The following ZFHX4 variants were observed in gnomAD, a reference collection of about 807,000 sequenced individuals.
ZFHX4 encodes zinc finger homeobox protein 4.
Under a neutral mutation model 267.6 loss-of-function variants are expected in ZFHX4, and 56 were observed. The observed-to-expected ratio is 0.21, with a 90% CI of 0.17 to 0.26. ZFHX4 has a LOEUF of 0.26. Ranked by LOEUF, ZFHX4 falls within the 10% of genes least tolerant of loss-of-function variation. The probability of loss-of-function intolerance (pLI) is 1.00; values close to 1 mark genes in which losing one functional copy is unlikely to be tolerated. For missense variants in ZFHX4, 4,332 were observed against 4,420.0 expected (o/e 0.98, Z 0.56); for synonymous variants, 1,778 against 1,665.6 (o/e 1.07, Z -1.64).
At chr8:76,775,697 G>A (rs916027969) in intron 3 of ZFHX4, among the ~76,000 whole-genome samples, 1 of 152,130 alleles carries the variant, frequency 6.6e-6, no homozygotes, top group Non-Finnish European at 1.5e-5. Context: ...CTGCACCAGA[G>A]AAGGCAGTTT....
chr8:76,711,260 A>G (rs1231429296), intron 3 of ZFHX4, among the ~76,000 whole-genome samples: 1 of 152,154 alleles, frequency 6.6e-6, no homozygotes, highest in East Asian at 1.9e-4. Context: ...CCATTTCTTC[A>G]AGTGAGAGTC....
At chr8:76,760,075 AT>A (rs1289961449) in intron 3 of ZFHX4, among the ~76,000 whole-genome samples, 6 of 152,128 alleles carry the variant, frequency 3.9e-5, no homozygotes, top group African/African-American at 4.8e-5. Flanking sequence ...AGATCCCATA[AT>A]TTTTTTAGGC....
chr8:76,865,977 C>T lies in ZFHX4; in HGVS notation c.*1412C>T, dbSNP rs1813016532. The T allele has an allele frequency of 6.6e-6, 1 of 152,502 alleles. No homozygotes were observed. Among genetic ancestry groups the T allele is most frequent in the Admixed American group, 6.6e-5 (1 of 15,254 alleles). 9.4% of individuals were successfully genotyped at this position (152,502 alleles called of 1,614,324 possible). ...TTTGCTTGCCATGAATTTCAACTTC[C>T]ACCACCCAGTGAATTGATTTATAAA... On this transcript the variant is annotated 3_prime_UTR_variant, in exon 11 of 11. Transcript: ENST00000651372.
At position 76,706,466 on chromosome 8, in the gene ZFHX4, A is replaced by C. The variant is rs1432725689; in HGVS notation, c.2378A>C (p.His793Pro). ...RIHMTSEKHM[H>P]NMMLLQQNMK... ...CATATGACCAGCGAAAAGCACATGC[A>C]TAATATGATGCTTTTGCAGCAGAAC... is the stretch of plus-strand genomic sequence containing the variant. Residue 793 changes from histidine (H) to proline (P), a missense_variant, in exon 2 of 11, where the codon CAT becomes CCT. By Grantham distance (77) the His-to-Pro change is moderately conservative. Around this residue, in one of 7 missense-constraint regions of ZFHX4, gnomAD observed 1,195 missense variants for 1,173.6 expected, o/e 1.02. Coordinates refer to ENST00000651372, the MANE Select transcript of ZFHX4 (RefSeq NM_024721.5). 6.2e-7 allele frequency: 1 copy of C among 1,614,132 alleles called. No homozygotes were observed. The highest frequency in any genetic ancestry group is 1.1e-5 in the South Asian group (1 of 91,074).
chr8:76,812,534 G>A (rs1163963907), intron 4 of ZFHX4, among the ~76,000 whole-genome samples: 1 of 152,142 alleles, frequency 6.6e-6, no homozygotes, highest in African/African-American at 2.4e-5. Flanking sequence ...ACAGTAAGTA[G>A]CATTAGGTAT....
At chr8:76,703,872 G>T (rs770820558) in intron 1 of ZFHX4, among the ~76,000 whole-genome samples, 171 bp from the exon 2 acceptor site, 3 of 152,198 alleles carry the variant, frequency 2.0e-5, no homozygotes, top group African/African-American at 7.2e-5. Context: ...ACATTATTTT[G>T]CTACATTTAT....
intron 4 of ZFHX4, among the ~76,000 whole-genome samples, chr8:76,804,779 A>C (rs1280275527): frequency 1.3e-5 from 2 of 152,048 alleles, no homozygotes; most frequent in Non-Finnish European, 2.9e-5. Context: ...AGTCGGATTA[A>C]GTGAGGTGAG....
At chr8:76,745,268 G>A (rs1809429478) in intron 3 of ZFHX4, among the ~76,000 whole-genome samples, 1 of 152,094 alleles carries the variant, frequency 6.6e-6, no homozygotes, top group African/African-American at 2.4e-5. Flanking sequence ...AATTAGAGGG[G>A]AAAATGGACA....
intron 3 of ZFHX4, among the ~76,000 whole-genome samples, chr8:76,726,019 T>C (rs563804012): frequency 6.6e-6 from 1 of 152,190 alleles, no homozygotes; most frequent in Non-Finnish European, 1.5e-5. Flanking sequence ...TGTAACATAA[T>C]GCTACATACC....
Position 76,855,295 on chromosome 8 carries a change from G to A in ZFHX4, c.8374G>A (p.Gly2792Arg), listed in dbSNP as rs1324690885. 1.4e-5 allele frequency: 23 copies of A among 1,613,610 alleles called. No homozygotes were observed. In the East Asian group the frequency reaches 3.8e-4, roughly 27 times the overall value. Residue 2792 changes from glycine (G) to arginine (R), a missense_variant, in exon 10 of 11, where the codon GGG (glycine) becomes AGG (arginine). Coordinates refer to ENST00000651372, the MANE Select transcript of ZFHX4 (RefSeq NM_024721.5). The stretch of plus-strand genomic sequence containing the variant: ...TTTAAATGCCCCTCCTGCTGAGGCT[G>A]GGTATGATCAAAATAAAACCGATTT... ...ENLNAPPAEA[G>R]YDQNKTDFDE...
At chr8:76,740,416 G>A (rs535865834) in intron 3 of ZFHX4, among the ~76,000 whole-genome samples, 1 of 151,952 alleles carries the variant, frequency 6.6e-6, no homozygotes, top group East Asian at 2.0e-4. Flanking sequence ...GGAGATGGGT[G>A]CACCAGAATC....
chr8:76,710,722 A>T (rs781565182), intron 3 of ZFHX4, among the ~76,000 whole-genome samples: 24 of 152,212 alleles, frequency 1.6e-4, no homozygotes, highest in Non-Finnish European at 3.1e-4. Flanking sequence ...ATTGATTCAT[A>T]ACACTAAATG....
chr8:76,812,196 CT>C (rs1811395445), intron 4 of ZFHX4, among the ~76,000 whole-genome samples: 1 of 152,122 alleles, frequency 6.6e-6, no homozygotes, highest in African/African-American at 2.4e-5. Context: ...TGGTATAAAA[CT>C]TTTCGTTGAT....
intron 4 of ZFHX4, among the ~76,000 whole-genome samples, chr8:76,781,573 G>T (rs967782362): frequency 6.6e-6 from 1 of 152,010 alleles, no homozygotes; most frequent in Non-Finnish European, 1.5e-5. Context: ...TGGCATTGTG[G>T]ATGCATAATT....
intron 3 of ZFHX4, among the ~76,000 whole-genome samples, chr8:76,726,636 T>A (rs1415073702): frequency 6.6e-6 from 1 of 152,144 alleles, no homozygotes; most frequent in East Asian, 1.9e-4. Flanking sequence ...TGAGAAAAAG[T>A]TAAAAGGAAT....
chr8:76,833,569 AT>A, intron 5 of ZFHX4, 163 bp downstream of exon 5: 1 of 573,896 alleles, frequency 1.7e-6, no homozygotes, highest in Admixed American at 3.2e-5. Flanking sequence ...AAATTCAATA[AT>A]TGGAAGTATA....
At chr8:76,838,978 C>T (rs1812162687) in intron 5 of ZFHX4, among the ~76,000 whole-genome samples, 2 of 150,122 alleles carry the variant, frequency 1.3e-5, no homozygotes, top group South Asian at 4.2e-4. Flanking sequence ...TTGCTTGAAC[C>T]CAGGAGACAG....
Position 76,864,583 on chromosome 8 carries a change from C to A in ZFHX4, c.*18C>A, listed in dbSNP as rs755255231. The A allele has an allele frequency of 5.8e-6, 8 of 1,389,580 alleles. No homozygotes were observed. The highest frequency in any genetic ancestry group is 3.6e-5 in the South Asian group (2 of 54,910). The allele number at this position is 1,389,580 out of a possible 1,614,324, so 86.1% of individuals were successfully genotyped here. On this transcript the variant is annotated 3_prime_UTR_variant, in exon 11 of 11. Coordinates refer to ENST00000651372, the MANE Select transcript of ZFHX4 (RefSeq NM_024721.5). Reference sequence around the variant, plus strand: ...GTGTGTAGGAGTGAAGACAGGATCCCGTGCTTAAAAAAATAAAAAATAAAA... The same window carrying A: ...GTGTGTAGGAGTGAAGACAGGATCCAGTGCTTAAAAAAATAAAAAATAAAA...
chr8:76,736,658 A>T (rs993652961), intron 3 of ZFHX4, among the ~76,000 whole-genome samples: 2 of 152,152 alleles, frequency 1.3e-5, no homozygotes, highest in Non-Finnish European at 2.9e-5. Context: ...TTCCTCAGCC[A>T]GATAATTTCT....
Sources: gnomAD v4.1 joint callset for allele counts (sites outside exome capture counted in the v4.1 genomes callset) on GRCh38, gnomAD v4.1.1 for gene constraint, gnomAD v4.1.1 regional missense constraint, MANE v1.5 for transcripts, NCBI Gene and HGNC (gene_info 2026-07-23, HGNC 2026-07-21) for gene names.